AXIN2: variants seen among roughly 807,000 people sequenced by gnomAD.
AXIN2 encodes the protein axin-2.
Under a neutral mutation model 74.7 loss-of-function variants are expected in AXIN2, and 21 were observed. The observed-to-expected ratio is 0.28, with a 90% CI of 0.20 to 0.40. The LOEUF (loss-of-function observed/expected upper bound fraction) is 0.40, where lower values mean the gene tolerates loss of function less well. Ranked by LOEUF, AXIN2 falls within the 10% of genes least tolerant of loss-of-function variation. The pLI, the probability that AXIN2 is intolerant of heterozygous loss-of-function variation, is 1.00. For missense variants in AXIN2, 1,144 were observed against 1,111.1 expected, an observed-to-expected ratio of 1.03 and a Z score of -0.42; for synonymous variants, 532 against 454.9, an observed-to-expected ratio of 1.17 and a Z score of -2.16.
rs1264323190 is a variant in AXIN2 at position 65,558,162 on chromosome 17, G to A, written c.459C>T (p.Thr153=). The change falls in exon 2 of 11, where the codon ACC becomes ACT. Residue 153 remains threonine, a synonymous_variant. Coordinates refer to ENST00000307078, the MANE Select transcript of AXIN2 (RefSeq NM_004655.4). ...SIVSKQLKPA[T]KTYIRDGIKK... ...TGATGCCATCTCTTATGTAGGTCTT[G>A]GTGGCAGGCTTCAGCTGCTTGGAGA... The A allele has an allele frequency of 1.9e-6, 3 of 1,614,002 alleles. No homozygotes were observed. Among genetic ancestry groups the A allele is most frequent in the African/African-American group, 1.3e-5 (1 of 74,912 alleles).
In AXIN2 at chr17:65,558,678, C is replaced by A; in HGVS notation, c.-58G>T. On this transcript the variant is annotated 5_prime_UTR_variant, in exon 2 of 11. Transcript: ENST00000307078. ...TTTTTCTTCTTCCAGTTCCTCTCAG[C>A]AATCGGCGTGGTCTCTCTGTCTCTC... 6.5e-7 allele frequency: 1 copy of A among 1,535,702 alleles called. No individual in the cohort carries two copies. Among genetic ancestry groups the A allele is most frequent in the Admixed American group, 1.8e-5 (1 of 54,408 alleles).
rs774530969 is a variant in AXIN2 at position 65,537,777 on chromosome 17, T to C, written c.1259A>G (p.Gln420Arg). ...TLNSREGAPT[Q>R]HPLSLLPSGS... Reference sequence around the variant, plus strand: ...GGAGGGCAGTAGGGAGAGGGGGTGCTGCGTGGGCGCCCCCTCCCGCGAATT... The same window carrying C: ...GGAGGGCAGTAGGGAGAGGGGGTGCCGCGTGGGCGCCCCCTCCCGCGAATT... The change falls in exon 6 of 11, where the codon CAG becomes CGG. Residue 420 changes from glutamine to arginine, a missense_variant. Gln to Arg is a conservative substitution (Grantham distance 43). This residue lies in a region of AXIN2 where 1,053 missense variants were observed against 973.5 expected (regional missense o/e 1.08). Transcript: ENST00000307078. The C allele has an allele frequency of 6.3e-7, 1 of 1,587,796 alleles. No homozygotes were observed.
intron 10 of AXIN2, among the ~76,000 whole-genome samples, chr17:65,530,414 T>C (rs965839562): frequency 2.0e-5 from 3 of 152,052 alleles, no homozygotes; most frequent in Non-Finnish European, 4.4e-5. Flanking sequence ...AGAGCTGCTT[T>C]CCCCCCGCCA....
chr17:65,529,862 G>A lies in AXIN2; in HGVS notation c.*114C>T. 6.4e-7 allele frequency: 1 copy of A among 1,572,886 alleles called. No homozygotes were observed. The highest frequency in any genetic ancestry group is 8.7e-7 in the Non-Finnish European group (1 of 1,152,426). ...ACTGGCCGATTCTTCCTTAGACTTTGTCTTCTTCATTGGTTTAATTTTCCT... is the reference window on the plus strand; with the variant it reads ...ACTGGCCGATTCTTCCTTAGACTTTATCTTCTTCATTGGTTTAATTTTCCT... On this transcript the variant is annotated 3_prime_UTR_variant, in exon 11 of 11. Coordinates refer to ENST00000307078, the MANE Select transcript of AXIN2 (RefSeq NM_004655.4).
intron 10 of AXIN2, 132 bp from the exon 11 acceptor site, chr17:65,530,234 G>A (rs965411791): frequency 1.5e-5 from 18 of 1,237,114 alleles, no homozygotes; most frequent in Admixed American, 1.3e-4. Context: ...ACACTGTTGC[G>A]CACATCTGCT....
chr17:65,556,554 T>C (rs1008105127), intron 2 of AXIN2, among the ~76,000 whole-genome samples: 1 of 151,926 alleles, frequency 6.6e-6, no homozygotes, highest in African/African-American at 2.4e-5. Flanking sequence ...GTAAAACTGG[T>C]TCCCAAGCCA....
Position 65,538,198 on chromosome 17 carries a change from A to G in AXIN2, c.1200+5T>C. 1 of 1,614,166 alleles carries G rather than the reference A, an allele frequency of 6.2e-7. No homozygotes were observed. Among genetic ancestry groups the G allele is most frequent in the Non-Finnish European group, 8.5e-7 (1 of 1,180,034 alleles). On this transcript the variant is annotated splice_donor_5th_base_variant and intron_variant, in intron 5 of 10. Transcript: ENST00000307078. ...GAAGCAGGAAGAAGGCCTAGGCCGCATTACCTCTCGGATCTGCTGCAGGCG... is the reference window on the plus strand; with the variant it reads ...GAAGCAGGAAGAAGGCCTAGGCCGCGTTACCTCTCGGATCTGCTGCAGGCG...
intron 4 of AXIN2, 83 bp from the exon 5 acceptor site, chr17:65,538,426 G>C: frequency 6.3e-7 from 1 of 1,575,772 alleles, no homozygotes; most frequent in African/African-American, 1.3e-5. Context: ...CCCGCACCAG[G>C]CGCTGTGCAC....
intron 9 of AXIN2, among the ~76,000 whole-genome samples, chr17:65,534,524 A>C (rs2043876088): frequency 6.6e-6 from 1 of 152,194 alleles, no homozygotes; most frequent in Non-Finnish European, 1.5e-5. Flanking sequence ...TGATCTCAGA[A>C]TGCCTAAAGC....
chr17:65,528,662 T>C lies in AXIN2; in HGVS notation c.*1314A>G. On this transcript the variant is annotated 3_prime_UTR_variant, in exon 11 of 11. Transcript: ENST00000307078. The stretch of plus-strand genomic sequence containing the variant: ...TAAATGAACTCTTTATAATGCATAA[T>C]TTACAGTATAAGTAGAACAAAATGT... 1.9e-6 allele frequency: 1 copy of C among 518,490 alleles called. No homozygotes were observed. Among genetic ancestry groups the C allele is most frequent in the Middle Eastern group, 2.9e-4 (1 of 3,492 alleles). 32.1% of individuals were successfully genotyped at this position (518,490 alleles called of 1,614,324 possible).
At chr17:65,545,138 C>A (rs1197033602) in intron 3 of AXIN2, among the ~76,000 whole-genome samples, 1 of 152,224 alleles carries the variant, frequency 6.6e-6, no homozygotes, top group East Asian at 1.9e-4. Context: ...AAGCAACATA[C>A]AAACGTAGCT....
At chr17:65,550,089 GC>G (rs1421622622) in intron 2 of AXIN2, among the ~76,000 whole-genome samples, 2 of 152,178 alleles carry the variant, frequency 1.3e-5, no homozygotes, top group South Asian at 4.1e-4. Context: ...CAATTTCAGG[GC>G]CCCAAGACAT....
rs751537079 is a variant in AXIN2 at position 65,558,087 on chromosome 17, G to A, written c.534C>T (p.Ile178=). ...SIMFDQAQTE[I]QSVMEENAYQ... is the part of the protein sequence containing the mutation. ...AGGCATTTTCCTCCATCACCGACTG[G>A]ATCTCGGTCTGCGCCTGGTCAAACA... Residue 178 remains isoleucine (I), a synonymous_variant, in exon 2 of 11, where the codon ATC becomes ATT. Transcript: ENST00000307078. 1.9e-6 allele frequency: 3 copies of A among 1,613,908 alleles called. No homozygotes were observed. The African/African-American group carries it at 4.0e-5, about 22-fold the overall frequency.
intron 3 of AXIN2, among the ~76,000 whole-genome samples, chr17:65,545,613 G>A (rs1313281214): frequency 3.3e-5 from 5 of 151,954 alleles, no homozygotes; most frequent in Non-Finnish European, 7.4e-5. Context: ...CCAAGATCGC[G>A]CCACTGCACT....
At position 65,528,622 on chromosome 17, in the gene AXIN2, C is replaced by T; in HGVS notation, c.*1354G>A. On this transcript the variant is annotated 3_prime_UTR_variant, in exon 11 of 11. Coordinates refer to ENST00000307078, the MANE Select transcript of AXIN2 (RefSeq NM_004655.4). Reference sequence around the variant, plus strand: ...TCTCTTAATTACAATAATTATTGTACCAAGTAATTTTCCTTAAATGAACTC... The same window carrying T: ...TCTCTTAATTACAATAATTATTGTATCAAGTAATTTTCCTTAAATGAACTC... 2.0e-6 allele frequency: 1 copy of T among 498,828 alleles called. No homozygotes were observed. Among genetic ancestry groups the T allele is most frequent in the South Asian group, 1.7e-5 (1 of 60,282 alleles). 30.9% of individuals were successfully genotyped at this position (498,828 alleles called of 1,614,324 possible).
At chr17:65,531,026 A>C (rs1171485976) in intron 10 of AXIN2, among the ~76,000 whole-genome samples, 1 of 152,102 alleles carries the variant, frequency 6.6e-6, no homozygotes, top group Non-Finnish European at 1.5e-5. Context: ...CCCTGTCCCC[A>C]GCCAAGGGAG....
chr17:65,549,975 T>C (rs1198881047), intron 2 of AXIN2, among the ~76,000 whole-genome samples: 2 of 152,210 alleles, frequency 1.3e-5, no homozygotes, highest in Non-Finnish European at 2.9e-5. Flanking sequence ...AACTGGACTC[T>C]GCTTTAGGAG....
chr17:65,549,665 G>A lies in AXIN2; in HGVS notation c.816-5C>T, dbSNP rs2144540308. 1 of 1,593,454 alleles carries A rather than the reference G, an allele frequency of 6.3e-7. No homozygotes were observed. Among genetic ancestry groups the A allele is most frequent in the Non-Finnish European group, 8.6e-7 (1 of 1,168,876 alleles). On this transcript the variant is annotated splice_polypyrimidine_tract_variant and splice_region_variant and intron_variant, in intron 2 of 10. Transcript: ENST00000307078. Reference sequence around the variant, plus strand: ...GGATCGCTCCTCTTGAAGGACCTATGGGCAAAGTACAAAAGTGGTTCAGTC... The same window carrying A: ...GGATCGCTCCTCTTGAAGGACCTATAGGCAAAGTACAAAAGTGGTTCAGTC...
chr17:65,543,052 C>G (rs1282924748), intron 3 of AXIN2, among the ~76,000 whole-genome samples: 2 of 152,266 alleles, frequency 1.3e-5, no homozygotes, highest in African/African-American at 4.8e-5. Context: ...AATGAAGATT[C>G]CAATAGATCA....
Sources: allele counts gnomAD v4.1 joint callset (sites outside exome capture counted in the v4.1 genomes callset), GRCh38; gene constraint gnomAD v4.1.1; regional missense constraint gnomAD v4.1.1; transcripts MANE v1.5; gene names NCBI Gene and HGNC (gene_info 2026-07-23, HGNC 2026-07-21).